FRMD3: variants seen among roughly 807,000 people sequenced by gnomAD.
FRMD3 encodes the protein FERM domain containing 3.
In FRMD3, 33 loss-of-function variants were observed where a neutral mutation model predicts 70.2. That is an observed-to-expected ratio of 0.47 (90% CI 0.36 to 0.63). The LOEUF (loss-of-function observed/expected upper bound fraction) is 0.63, where lower values mean the gene tolerates loss of function less well. FRMD3 is among the 20% of genes least tolerant of loss of function. FRMD3 has a pLI of 0.00. For synonymous variants in FRMD3, 279 were observed against 255.9 expected (o/e 1.09, Z -0.86); for missense variants, 632 against 711.4 (o/e 0.89, Z 1.27).
intron 1 of FRMD3, among the ~76,000 whole-genome samples, chr9:83,512,220 C>T (rs1193959962): frequency 6.6e-6 from 1 of 152,176 alleles, no homozygotes; most frequent in Admixed American, 6.6e-5. Context: ...AAAGTGTGCT[C>T]ATTTATTTAT....
the FRMD3 span, among the ~76,000 whole-genome samples, chr9:83,572,954 A>T: frequency 6.6e-6 from 1 of 152,252 alleles, no homozygotes; most frequent in Non-Finnish European, 1.5e-5. Context: ...CCATCATGGA[A>T]ATGTATTTAT....
chr9:83,432,600 C>T (rs187972874), intron 1 of FRMD3, among the ~76,000 whole-genome samples: 90 of 152,296 alleles, frequency 5.9e-4, no homozygotes, highest in African/African-American at 2.1e-3. Flanking sequence ...GCTTTGAGCC[C>T]AGCAGGTTAA....
intron 2 of FRMD3, among the ~76,000 whole-genome samples, chr9:83,378,728 T>TATATATTTTATATTATATATA (rs1564047615): frequency 1.1e-5 from 1 of 93,016 alleles, no homozygotes; most frequent in Non-Finnish European, 2.0e-5. Flanking sequence ...TTATATATAA[T>TATATATTTTATATTATATATA]ATATATACTT....
intron 3 of FRMD3, among the ~76,000 whole-genome samples, chr9:83,363,797 G>A (rs576041305): frequency 2.6e-5 from 4 of 152,066 alleles, no homozygotes; most frequent in South Asian, 2.1e-4. Context: ...CTCGTGATCC[G>A]CCCACCTTGG....
intron 1 of FRMD3, among the ~76,000 whole-genome samples, chr9:83,399,862 C>T (rs969527364): frequency 6.6e-6 from 1 of 152,162 alleles, no homozygotes; most frequent in East Asian, 1.9e-4. Context: ...TAAAACTATA[C>T]AGCTAACATC....
the FRMD3 span, among the ~76,000 whole-genome samples, chr9:83,574,826 G>A: frequency 1.3e-5 from 2 of 152,052 alleles, no homozygotes; most frequent in African/African-American, 4.8e-5. Flanking sequence ...CTTTCTAATT[G>A]TTGATTCTCC....
At chr9:83,431,033 T>C (rs1380154617) in intron 1 of FRMD3, among the ~76,000 whole-genome samples, 1 of 152,234 alleles carries the variant, frequency 6.6e-6, no homozygotes, top group Admixed American at 6.5e-5. Context: ...AGCCCTGTGA[T>C]AGGCAAAGCA....
intron 12 of FRMD3, 96 bp from the exon 13 acceptor site, chr9:83,290,823 A>G: frequency 7.8e-7 from 1 of 1,278,970 alleles, no homozygotes; most frequent in Non-Finnish European, 1.1e-6. Context: ...TTGTGTCTAC[A>G]GGGAACTACC....
At chr9:83,498,529 T>TG (rs1191909015) in intron 1 of FRMD3, among the ~76,000 whole-genome samples, 1 of 152,220 alleles carries the variant, frequency 6.6e-6, no homozygotes, top group African/African-American at 2.4e-5. Context: ...ACTGGCTACC[T>TG]GGGGCTATCA....
At chr9:83,482,463 G>A (rs1237038219) in intron 1 of FRMD3, among the ~76,000 whole-genome samples, 3 of 152,122 alleles carry the variant, frequency 2.0e-5, no homozygotes, top group African/African-American at 7.2e-5. Flanking sequence ...TTATATTTCT[G>A]TATCACTAAC....
At chr9:83,417,701 C>T (rs1314881437) in intron 1 of FRMD3, among the ~76,000 whole-genome samples, 2 of 152,132 alleles carry the variant, frequency 1.3e-5, no homozygotes, top group Non-Finnish European at 1.5e-5. Context: ...AAGCCATGGA[C>T]TGAATAAAAT....
chr9:83,306,747 A>G (rs1835151095), intron 10 of FRMD3, among the ~76,000 whole-genome samples: 1 of 152,218 alleles, frequency 6.6e-6, no homozygotes. Context: ...TCCTACCCTC[A>G]GAGAGTTCAA....
the FRMD3 span, among the ~76,000 whole-genome samples, chr9:83,561,721 C>T: frequency 6.6e-6 from 1 of 152,212 alleles, no homozygotes; most frequent in East Asian, 1.9e-4. Context: ...AAATGATTCA[C>T]ATCACTTAAT....
intron 1 of FRMD3, among the ~76,000 whole-genome samples, chr9:83,461,986 C>T (rs886699462): frequency 1.3e-5 from 2 of 152,144 alleles, no homozygotes; most frequent in Non-Finnish European, 2.9e-5. Flanking sequence ...CAATGCCTGG[C>T]AGCAATTTCT....
upstream of FRMD3, among the ~76,000 whole-genome samples, chr9:83,542,740 CA>C (rs1830012789): frequency 6.6e-6 from 1 of 152,022 alleles, no homozygotes; most frequent in Non-Finnish European, 1.5e-5. Context: ...ATGGTACTGG[CA>C]AAAGAATAAA....
At chr9:83,371,815 G>A (rs537039041) in intron 3 of FRMD3, among the ~76,000 whole-genome samples, 1 of 152,266 alleles carries the variant, frequency 6.6e-6, no homozygotes, top group South Asian at 2.1e-4. Context: ...GGAAGAGGGA[G>A]GGGAAGGAAA....
chr9:83,401,143 G>A (rs769564584), intron 1 of FRMD3, among the ~76,000 whole-genome samples: 3 of 152,140 alleles, frequency 2.0e-5, no homozygotes, highest in Non-Finnish European at 4.4e-5. Context: ...TTTCATCCAC[G>A]TAAGCCCCAG....
chr9:83,289,852 C>T (rs1834349426), intron 13 of FRMD3, among the ~76,000 whole-genome samples: 1 of 152,220 alleles, frequency 6.6e-6, no homozygotes, highest in Non-Finnish European at 1.5e-5. Context: ...GAGATGTCTG[C>T]AGGTGTTTGC....
intron 1 of FRMD3, among the ~76,000 whole-genome samples, chr9:83,418,757 G>A (rs112174346): frequency 6.6e-6 from 1 of 152,098 alleles, no homozygotes; most frequent in Non-Finnish European, 1.5e-5. Context: ...ACTAACATTC[G>A]ATCCAGCAAT....
Sources: allele counts gnomAD v4.1 joint callset (sites outside exome capture counted in the v4.1 genomes callset), GRCh38; gene constraint gnomAD v4.1.1; transcripts MANE v1.5; gene names NCBI Gene and HGNC (gene_info 2026-07-23, HGNC 2026-07-21).